SLC24A2: variants seen among roughly 807,000 people sequenced by gnomAD.
SLC24A2 encodes sodium/potassium/calcium exchanger 2.
SLC24A2 carries 36 observed loss-of-function variants against 62.0 expected under a neutral mutation model. The ratio of observed to expected loss-of-function variants is 0.58; its 90% CI spans 0.44 to 0.77. The LOEUF is 0.77. SLC24A2 is among the 30% of genes least tolerant of loss of function. SLC24A2 has a pLI of 0.00. For synonymous variants in SLC24A2, 358 were observed against 294.0 expected (o/e 1.22, Z -2.23); for missense variants, 846 against 817.9 (o/e 1.03, Z -0.42).
At chr9:19,853,586 T>G in the SLC24A2 span, among the ~76,000 whole-genome samples, 1 of 152,258 alleles carries the variant, frequency 6.6e-6, no homozygotes, top group Non-Finnish European at 1.5e-5. Context: ...TTGTCTTTAG[T>G]TATGCTTATG....
chr9:19,673,971 G>C (rs142212557), intron 2 of SLC24A2, among the ~76,000 whole-genome samples: 1 of 152,260 alleles, frequency 6.6e-6, no homozygotes, highest in South Asian at 2.1e-4. Context: ...TAGAGGTTCT[G>C]TGAGATTTAT....
the SLC24A2 span, among the ~76,000 whole-genome samples, chr9:19,947,781 ACT>A: frequency 7.6e-6 from 1 of 130,894 alleles, no homozygotes; most frequent in Non-Finnish European, 1.6e-5. Flanking sequence ...TCACAGCGAG[ACT>A]CTGTCTCAAA....
intron 2 of SLC24A2, among the ~76,000 whole-genome samples, chr9:19,625,110 A>G (rs1818000857): frequency 6.6e-6 from 1 of 152,164 alleles, no homozygotes; most frequent in African/African-American, 2.4e-5. Flanking sequence ...GATATTACAG[A>G]AGACAACTTC....
chr9:20,206,749 G>A, the SLC24A2 span, among the ~76,000 whole-genome samples: 1 of 151,956 alleles, frequency 6.6e-6, no homozygotes, highest in African/African-American at 2.4e-5. Context: ...AAAGTGCTGG[G>A]ATTACAGGCG....
At chr9:19,709,479 A>C (rs1820645862) in intron 2 of SLC24A2, among the ~76,000 whole-genome samples, 1 of 152,082 alleles carries the variant, frequency 6.6e-6, no homozygotes, top group African/African-American at 2.4e-5. Context: ...GGCACTATTC[A>C]CAATAGCAAA....
chr9:20,224,061 G>A, the SLC24A2 span, among the ~76,000 whole-genome samples: 1 of 151,922 alleles, frequency 6.6e-6, no homozygotes, highest in Non-Finnish European at 1.5e-5. Context: ...AACAAAAACA[G>A]CATGAGGAAA....
In SLC24A2 at chr9:19,762,119, AGT is replaced by A. The variant is rs537129911; in HGVS notation, c.930+23816_930+23817del. ...ACCAAGAGTGCAAAAGTGTTTGAGA[AGT>A]GTCTGTTCATATCCTTTGCCCACTT... is the stretch of plus-strand genomic sequence containing the variant. On this transcript the variant is annotated intron_variant, in intron 2 of 10. Transcript: ENST00000341998. Among the ~76,000 whole-genome samples the A allele has an allele frequency of 9.9e-5, 15 of 151,976 alleles. No homozygotes were observed. The East Asian group carries it at 2.7e-3, about 27-fold the overall frequency.
the SLC24A2 span, among the ~76,000 whole-genome samples, chr9:19,852,419 C>T: frequency 6.6e-6 from 1 of 152,252 alleles, no homozygotes; most frequent in South Asian, 2.1e-4. Flanking sequence ...AATGGCATTG[C>T]CTAGATTTTC....
the SLC24A2 span, among the ~76,000 whole-genome samples, chr9:20,144,653 G>C: frequency 3.6e-4 from 55 of 152,108 alleles, no homozygotes; most frequent in Non-Finnish European, 3.5e-4. Context: ...AGTGCACTGT[G>C]GGGGGACCAC....
At chr9:19,889,100 T>G in the SLC24A2 span, among the ~76,000 whole-genome samples, 2 of 152,208 alleles carry the variant, frequency 1.3e-5, no homozygotes, top group East Asian at 3.9e-4. Context: ...CCTGGCACCG[T>G]GCATCAACCT....
At chr9:19,573,184 G>C (rs1485018603) in intron 7 of SLC24A2, among the ~76,000 whole-genome samples, 167 bp downstream of exon 7, 1 of 152,150 alleles carries the variant, frequency 6.6e-6, no homozygotes, top group Non-Finnish European at 1.5e-5. Context: ...GCTGCATGTG[G>C]GACCCTGGGG....
At chr9:20,254,087 T>G in the SLC24A2 span, among the ~76,000 whole-genome samples, 1 of 152,168 alleles carries the variant, frequency 6.6e-6, no homozygotes, top group Non-Finnish European at 1.5e-5. Flanking sequence ...GATAGTAGCT[T>G]TCAGAATTCA....
At chr9:19,763,637 C>T (rs1416042784) in intron 2 of SLC24A2, among the ~76,000 whole-genome samples, 1 of 152,162 alleles carries the variant, frequency 6.6e-6, no homozygotes, top group East Asian at 1.9e-4. Flanking sequence ...TATGTTGAAC[C>T]AGTCTTGCAT....
chr9:19,869,924 T>A, the SLC24A2 span, among the ~76,000 whole-genome samples: 18 of 152,234 alleles, frequency 1.2e-4, no homozygotes, highest in African/African-American at 4.1e-4. Flanking sequence ...TTAATATTTA[T>A]GTAAAGTAAG....
At chr9:20,037,101 T>C in the SLC24A2 span, among the ~76,000 whole-genome samples, 1 of 152,108 alleles carries the variant, frequency 6.6e-6, no homozygotes, top group Non-Finnish European at 1.5e-5. Context: ...TTTCCCCATG[T>C]TGGCCAGGCT....
At chr9:20,103,002 C>T in the SLC24A2 span, among the ~76,000 whole-genome samples, 10 of 152,176 alleles carry the variant, frequency 6.6e-5, no homozygotes, top group South Asian at 4.1e-4. Context: ...CCTAATACTG[C>T]GCTTTTCCGA....
the SLC24A2 span, among the ~76,000 whole-genome samples, chr9:20,180,781 G>A: frequency 6.6e-6 from 1 of 152,286 alleles, no homozygotes; most frequent in East Asian, 1.9e-4. Context: ...TCAGTTTAAA[G>A]ATAATATTCC....
chr9:20,015,166 T>A, the SLC24A2 span, among the ~76,000 whole-genome samples: 1 of 152,198 alleles, frequency 6.6e-6, no homozygotes, highest in Non-Finnish European at 1.5e-5. Flanking sequence ...CATCTTCATG[T>A]ATATAATACA....
the SLC24A2 span, among the ~76,000 whole-genome samples, chr9:20,052,171 A>T: frequency 6.6e-6 from 1 of 152,132 alleles, no homozygotes; most frequent in African/African-American, 2.4e-5. Context: ...TTCCACTTGG[A>T]TATAGCTCAG....
Sources: allele counts gnomAD v4.1 joint callset (sites outside exome capture counted in the v4.1 genomes callset), GRCh38; gene constraint gnomAD v4.1.1; transcripts MANE v1.5; gene names NCBI Gene and HGNC (gene_info 2026-07-23, HGNC 2026-07-21).